Variants in DENND6A observed in about 807,000 individuals in gnomAD.
The protein encoded by DENND6A is protein DENND6A.
DENND6A carries 43 observed loss-of-function variants against 95.5 expected under a neutral mutation model. The observed-to-expected ratio is 0.45, with a 90% CI of 0.35 to 0.58. The LOEUF is 0.58. Among genes scored for constraint, DENND6A ranks in the 20% least tolerant of loss-of-function variants. The probability of loss-of-function intolerance (pLI) is 0.00; values close to 1 mark genes in which losing one functional copy is unlikely to be tolerated. For synonymous variants in DENND6A, 257 were observed against 260.4 expected (o/e 0.99, Z 0.13); for missense variants, 574 against 736.0 (o/e 0.78, Z 2.55).
In DENND6A at chr3:57,666,160, A is replaced by C. The variant is rs1168515730; in HGVS notation, c.395T>G (p.Leu132Arg). 6 of 1,613,924 alleles carry C rather than the reference A, an allele frequency of 3.7e-6. No individual in the cohort carries two copies. Among genetic ancestry groups the C allele is most frequent in the Non-Finnish European group, 5.1e-6 (6 of 1,179,916 alleles). ...SGRRVSLHCL[L>R]DQFDKDLPVY... The stretch of plus-strand genomic sequence containing the variant: ...TGGTAAATCTTTGTCAAATTGATCC[A>C]GGAGACAATGCAGCGACACCCTCCT... Residue 132 changes from leucine (L) to arginine (R), a missense_variant, in exon 4 of 20, where the codon CTG becomes CGG. Physicochemically the swap from Leu to Arg is moderately radical, Grantham distance 102. This residue lies in a region of DENND6A where 452 missense variants were observed against 630.9 expected (regional missense o/e 0.72). Coordinates refer to ENST00000311128, the MANE Select transcript of DENND6A (RefSeq NM_152678.3).
At chr3:57,629,646 G>T (rs971320318) in intron 18 of DENND6A, among the ~76,000 whole-genome samples, 5 of 151,048 alleles carry the variant, frequency 3.3e-5, no homozygotes, top group African/African-American at 4.9e-5. Context: ...CGAGTAGCTG[G>T]GACTACAGGC....
At chr3:57,690,684 T>TAAA (rs34961564) in intron 1 of DENND6A, among the ~76,000 whole-genome samples, 1 of 141,174 alleles carries the variant, frequency 7.1e-6, no homozygotes, top group Non-Finnish European at 1.5e-5. Context: ...ACTCTGTCTT[T>TAAA]AAAAAAAAAA....
chr3:57,687,641 A>C lies in DENND6A; in HGVS notation c.237+5141T>G, dbSNP rs147340267. On this transcript the variant is annotated intron_variant, in intron 1 of 19. Coordinates refer to ENST00000311128, the MANE Select transcript of DENND6A (RefSeq NM_152678.3). ...ATACCTGGCTTCAAAGTTTCAAAGG[A>C]TAGGATGACAGCCAGGTGTGGTCGC... is the stretch of plus-strand genomic sequence containing the variant. Among the ~76,000 whole-genome samples the C allele has an allele frequency of 4.1e-3, 629 of 152,256 alleles. 6 individuals carry two copies. Among genetic ancestry groups the C allele is most frequent in the African/African-American group, 0.015 (612 of 41,568 alleles).
chr3:57,631,693 T>G (rs1003536718), intron 15 of DENND6A, among the ~76,000 whole-genome samples: 6 of 151,584 alleles, frequency 4.0e-5, no homozygotes, highest in Non-Finnish European at 7.4e-5. Context: ...AAATGAGGTC[T>G]ACTTGACTTT....
intron 12 of DENND6A, among the ~76,000 whole-genome samples, chr3:57,641,157 A>C (rs2070921398): frequency 6.8e-6 from 1 of 146,260 alleles, no homozygotes. Flanking sequence ...TTGGGCTTTT[A>C]AATATATATA....
chr3:57,666,300 A>G (rs2071523635), intron 3 of DENND6A, 65 bp from the exon 4 acceptor site: 3 of 1,279,578 alleles, frequency 2.3e-6, no homozygotes, highest in Admixed American at 4.6e-5. Flanking sequence ...AGTTTCATCA[A>G]TTTTAGAGCT....
intron 1 of DENND6A, among the ~76,000 whole-genome samples, chr3:57,692,278 G>A (rs2077274673): frequency 6.6e-6 from 1 of 151,560 alleles, no homozygotes; most frequent in Non-Finnish European, 1.5e-5. Flanking sequence ...AGGAGGAAAG[G>A]GAGAAAATGC....
intron 12 of DENND6A, among the ~76,000 whole-genome samples, chr3:57,635,169 C>T (rs892183965): frequency 6.6e-6 from 1 of 151,746 alleles, no homozygotes; most frequent in Non-Finnish European, 1.5e-5. Context: ...TCTTAAATGA[C>T]TATGCAGATG....
intron 5 of DENND6A, among the ~76,000 whole-genome samples, chr3:57,662,457 C>T (rs1407674511): frequency 2.0e-5 from 3 of 151,870 alleles, no homozygotes; most frequent in African/African-American, 4.8e-5. Context: ...CCCACCTTGT[C>T]CTCCCGAAGT....
At position 57,672,215 on chromosome 3, in the gene DENND6A, A is replaced by C. The variant is rs755241388; in HGVS notation, c.319+41T>G. On this transcript the variant is annotated intron_variant, in intron 3 of 19. Transcript: ENST00000311128. ...CATTAACAGTATAACCAGTATTCTT[A>C]GTATAAAATTAAACAGAAACACTGT... 53 of 1,530,076 alleles carry C rather than the reference A, an allele frequency of 3.5e-5. No individual in the cohort carries two copies. In the Admixed American group the frequency reaches 9.8e-4, roughly 28 times the overall value. 94.8% of individuals were successfully genotyped at this position (1,530,076 alleles called of 1,614,324 possible). A position where few individuals can be genotyped will look rare whatever the true frequency, so the allele number is the denominator to read the frequency against.
chr3:57,652,457 G>T (rs1452633900), intron 9 of DENND6A, among the ~76,000 whole-genome samples: 1 of 152,078 alleles, frequency 6.6e-6, no homozygotes, highest in East Asian at 1.9e-4. Context: ...CAACTTGACT[G>T]CAACCACATA....
At chr3:57,638,104 A>G (rs1328960601) in intron 12 of DENND6A, among the ~76,000 whole-genome samples, 1 of 152,174 alleles carries the variant, frequency 6.6e-6, no homozygotes, top group Non-Finnish European at 1.5e-5. Flanking sequence ...ACCGTACTCC[A>G]GCCTGGAAGA....
At chr3:57,630,632 A>C in intron 17 of DENND6A, 83 bp downstream of exon 17, 1 of 1,537,404 alleles carries the variant, frequency 6.5e-7, no homozygotes, top group Middle Eastern at 1.7e-4. Context: ...ATTTTTTAAA[A>C]AGAATAAGCT....
At chr3:57,674,781 T>C (rs532380167) in intron 1 of DENND6A, among the ~76,000 whole-genome samples, 1 of 152,304 alleles carries the variant, frequency 6.6e-6, no homozygotes, top group African/African-American at 2.4e-5. Flanking sequence ...CACGAAATAC[T>C]ATGCAGCCAT....
intron 1 of DENND6A, among the ~76,000 whole-genome samples, chr3:57,673,091 G>A (rs1051443100): frequency 1.3e-5 from 2 of 150,730 alleles, no homozygotes; most frequent in Non-Finnish European, 2.9e-5. Context: ...GCTCATGCTT[G>A]TAATCCCAGC....
At chr3:57,643,446 G>A (rs963609787) in intron 11 of DENND6A, among the ~76,000 whole-genome samples, 1 of 152,056 alleles carries the variant, frequency 6.6e-6, no homozygotes, top group African/African-American at 2.4e-5. Flanking sequence ...TGGTTATATA[G>A]GTCTGGACCT....
At chr3:57,646,541 CCTG>C (rs1171165109) in intron 9 of DENND6A, 103 bp from the exon 10 acceptor site, 25 of 1,419,442 alleles carry the variant, frequency 1.8e-5, no homozygotes, top group East Asian at 5.1e-5. Flanking sequence ...ATAAATTCTT[CCTG>C]CTATTTGTAT....
chr3:57,658,235 C>CA lies in DENND6A; in HGVS notation c.763-501dup, dbSNP rs371174320. The stretch of plus-strand genomic sequence containing the variant: ...TAGGTGACAGAGCGAGACTCCATCT[C>CA]AAAAAAAAAAAAAGAATTAATCCCA... On this transcript the variant is annotated intron_variant, in intron 8 of 19. Coordinates refer to ENST00000311128, the MANE Select transcript of DENND6A (RefSeq NM_152678.3). Among the ~76,000 whole-genome samples, 781 of 124,090 alleles carry CA rather than the reference C, an allele frequency of 6.3e-3. 5 individuals carry two copies. The highest frequency in any genetic ancestry group is 0.016 in the African/African-American group (528 of 33,458). The allele number at this position is 124,090 out of a possible 152,430, so 81.4% of individuals were successfully genotyped here.
intron 12 of DENND6A, among the ~76,000 whole-genome samples, chr3:57,638,450 G>A (rs1456083362): frequency 6.6e-6 from 1 of 151,862 alleles, no homozygotes; most frequent in Non-Finnish European, 1.5e-5. Context: ...CTGAGGTCAG[G>A]AGTTCGAGAC....
Sources: gnomAD v4.1 joint callset for allele counts (sites outside exome capture counted in the v4.1 genomes callset) on GRCh38, gnomAD v4.1.1 for gene constraint, gnomAD v4.1.1 regional missense constraint, MANE v1.5 for transcripts, NCBI Gene and HGNC (gene_info 2026-07-23, HGNC 2026-07-21) for gene names.